ZBTB20: variants seen among roughly 807,000 people sequenced by gnomAD.
ZBTB20 encodes zinc finger and BTB domain containing 20, also known as zinc finger and BTB domain-containing protein 20.
A neutral mutation model predicts 56.9 loss-of-function variants in ZBTB20; 9 were observed. That is an observed-to-expected ratio of 0.16 (90% CI 0.10 to 0.28). The LOEUF (loss-of-function observed/expected upper bound fraction) is 0.28, where lower values mean the gene tolerates loss of function less well. Among genes scored for constraint, ZBTB20 ranks in the 10% least tolerant of loss-of-function variants. The pLI, the probability that ZBTB20 is intolerant of heterozygous loss-of-function variation, is 1.00. For missense variants in ZBTB20, 655 were observed against 1,003.0 expected, an observed-to-expected ratio of 0.65 and a Z score of 4.69; for synonymous variants, 417 against 420.7, an observed-to-expected ratio of 0.99 and a Z score of 0.11.
chr3:114,830,610 C>T (rs1362182879), intron 4 of ZBTB20, among the ~76,000 whole-genome samples: 1 of 151,930 alleles, frequency 6.6e-6, no homozygotes, highest in Non-Finnish European at 1.5e-5. Flanking sequence ...CTCCTCCTCA[C>T]CACAACTCTA....
chr3:114,832,582 C>A (rs574870847), intron 4 of ZBTB20, among the ~76,000 whole-genome samples: 2 of 152,008 alleles, frequency 1.3e-5, no homozygotes, highest in Admixed American at 1.3e-4. Context: ...AAGCACAATG[C>A]ATTATTCTAT....
At chr3:114,411,839 C>T (rs899114642) in intron 7 of ZBTB20, among the ~76,000 whole-genome samples, 1 of 152,102 alleles carries the variant, frequency 6.6e-6, no homozygotes, top group African/African-American at 2.4e-5. Flanking sequence ...GGAAAGTTTA[C>T]AAAAAGAAGA....
intron 7 of ZBTB20, among the ~76,000 whole-genome samples, chr3:114,418,687 G>C (rs920441093): frequency 6.6e-6 from 1 of 151,898 alleles, no homozygotes; most frequent in African/African-American, 2.4e-5. Context: ...AAGTAGAATA[G>C]ACAAAACACT....
chr3:114,595,431 C>A (rs1186035416), intron 6 of ZBTB20, among the ~76,000 whole-genome samples: 1 of 152,170 alleles, frequency 6.6e-6, no homozygotes, highest in Non-Finnish European at 1.5e-5. Context: ...TCAGTCTCAA[C>A]AAGTCACCTT....
chr3:114,782,697 T>C (rs1380360685), intron 5 of ZBTB20, among the ~76,000 whole-genome samples: 1 of 152,172 alleles, frequency 6.6e-6, no homozygotes, highest in East Asian at 1.9e-4. Context: ...GATGAGAGAA[T>C]AAGCAATTAA....
intron 4 of ZBTB20, among the ~76,000 whole-genome samples, chr3:114,891,316 C>T (rs1464564377): frequency 6.6e-6 from 1 of 152,206 alleles, no homozygotes; most frequent in Non-Finnish European, 1.5e-5. Flanking sequence ...ATTTATTTTA[C>T]ACCAAATCCA....
chr3:114,988,103 T>C (rs1172504379), intron 2 of ZBTB20, among the ~76,000 whole-genome samples: 2 of 151,470 alleles, frequency 1.3e-5, no homozygotes, highest in Non-Finnish European at 2.9e-5. Flanking sequence ...TTTTTTTTTT[T>C]TTTTTAATTA....
At chr3:114,623,544 G>A (rs755080196) in intron 6 of ZBTB20, among the ~76,000 whole-genome samples, 31 of 152,132 alleles carry the variant, frequency 2.0e-4, no homozygotes, top group Non-Finnish European at 3.8e-4. Context: ...TCCAAAGGTC[G>A]GGTGTGGGGA....
chr3:114,689,700 T>C (rs563924910), intron 6 of ZBTB20, among the ~76,000 whole-genome samples: 1 of 152,298 alleles, frequency 6.6e-6, no homozygotes, highest in African/African-American at 2.4e-5. Context: ...GGGTGAAATA[T>C]ATAATACATA....
At chr3:114,429,682 G>C (rs760739070) in intron 7 of ZBTB20, among the ~76,000 whole-genome samples, 1 of 151,732 alleles carries the variant, frequency 6.6e-6, no homozygotes, top group Non-Finnish European at 1.5e-5. Flanking sequence ...TTCTATATCC[G>C]CAAATGGAAA....
chr3:114,791,776 G>C (rs1393510624), intron 5 of ZBTB20: 2 of 152,080 alleles, frequency 1.3e-5, no homozygotes, highest in Non-Finnish European at 2.9e-5. Flanking sequence ...CTAATATCCA[G>C]TAACTCTCTT....
intron 4 of ZBTB20, among the ~76,000 whole-genome samples, chr3:114,888,006 T>C (rs1441015658): frequency 6.6e-6 from 1 of 151,252 alleles, no homozygotes; most frequent in African/African-American, 2.4e-5. Flanking sequence ...TTAAATCAAA[T>C]GCAGATGCCC....
chr3:114,726,739 C>T (rs966402957), intron 5 of ZBTB20, among the ~76,000 whole-genome samples: 5 of 151,288 alleles, frequency 3.3e-5, no homozygotes, highest in Admixed American at 6.6e-5. Flanking sequence ...GGTGAAACCC[C>T]GTCTCTACTA....
At chr3:114,606,313 T>C (rs2057147302) in intron 6 of ZBTB20, among the ~76,000 whole-genome samples, 1 of 152,168 alleles carries the variant, frequency 6.6e-6, no homozygotes, top group Admixed American at 6.5e-5. Flanking sequence ...ACCAATCAGT[T>C]GCTGCACACC....
chr3:114,492,027 C>T lies in ZBTB20; in HGVS notation c.-255+8325G>A, dbSNP rs2042810607. ...CACTGACCACTACCTTTGAGGCACT[C>T]TCTTGGCTTCTGTGCCTATGTTTTC... On this transcript the variant is annotated intron_variant, in intron 7 of 11. Transcript: ENST00000675478. 1.3e-5 allele frequency among the ~76,000 whole-genome samples: 2 copies of T among 152,200 alleles called. 1 individual carries two copies. Among genetic ancestry groups the T allele is most frequent in the Admixed American group, 1.3e-4 (2 of 15,282 alleles).
intron 7 of ZBTB20, among the ~76,000 whole-genome samples, chr3:114,469,676 C>CT (rs1485464325): frequency 1.3e-5 from 2 of 152,162 alleles, no homozygotes; most frequent in Non-Finnish European, 2.9e-5. Context: ...CAAGTTTTGG[C>CT]TGGCCACAGA....
At chr3:114,887,083 G>A (rs1364629901) in intron 4 of ZBTB20, among the ~76,000 whole-genome samples, 1 of 152,094 alleles carries the variant, frequency 6.6e-6, no homozygotes, top group Non-Finnish European at 1.5e-5. Flanking sequence ...TGCTAGCGCA[G>A]GTCTCTCTTT....
At chr3:114,985,958 C>T (rs2078521877) in intron 2 of ZBTB20, among the ~76,000 whole-genome samples, 2 of 151,998 alleles carry the variant, frequency 1.3e-5, no homozygotes, top group Non-Finnish European at 2.9e-5. Flanking sequence ...AACAAATGAC[C>T]ATGGCTGTAC....
intron 1 of ZBTB20, among the ~76,000 whole-genome samples, chr3:115,140,600 TAGAG>T (rs1424516839): frequency 6.6e-6 from 1 of 151,920 alleles, no homozygotes; most frequent in African/African-American, 2.4e-5. Flanking sequence ...TGTAAATTGT[TAGAG>T]ATTGTTCTAT....
Sources: allele counts gnomAD v4.1 joint callset (sites outside exome capture counted in the v4.1 genomes callset), GRCh38; gene constraint gnomAD v4.1.1; transcripts MANE v1.5; gene names NCBI Gene and HGNC (gene_info 2026-07-23, HGNC 2026-07-21).